The following SUCLG2 variants were observed in gnomAD, a reference collection of about 807,000 sequenced individuals.
The protein encoded by SUCLG2 is succinate--CoA ligase [GDP-forming] subunit beta, mitochondrial.
In SUCLG2, 42 loss-of-function variants were observed where a neutral mutation model predicts 47.9. That is an observed-to-expected ratio of 0.88 (90% confidence interval 0.69 to 1.14). The LOEUF (loss-of-function observed/expected upper bound fraction) is 1.14, where lower values mean the gene tolerates loss of function less well. SUCLG2 is among the 50% of genes most tolerant of loss of function. The pLI, the probability that SUCLG2 is intolerant of heterozygous loss-of-function variation, is 0.00. For missense variants in SUCLG2, 571 were observed against 525.9 expected, an observed-to-expected ratio of 1.09 and a Z score of -0.84; for synonymous variants, 195 against 197.3, an observed-to-expected ratio of 0.99 and a Z score of 0.10.
intron 2 of SUCLG2, among the ~76,000 whole-genome samples, chr3:67,547,535 T>C (rs1706898060): frequency 6.6e-6 from 1 of 152,114 alleles, no homozygotes; most frequent in Non-Finnish European, 1.5e-5. Flanking sequence ...TCCTGACCCT[T>C]TCTCATTGCC....
rs143897956 is a variant in SUCLG2, at chr3:67,405,778, A to G, written c.1063-4927T>C. On this transcript the variant is annotated intron_variant, in intron 9 of 10. Transcript: ENST00000307227. ...CTGGGCAAAGTGTACATAATCCTCT[A>G]GAGTTGATATATGAATAGCTATCAC... Among the ~76,000 whole-genome samples, 684 of 152,356 alleles carry G rather than the reference A, an allele frequency of 4.5e-3. 2 individuals carry two copies. The highest frequency in any genetic ancestry group is 7.1e-3 in the Non-Finnish European group (483 of 68,040).
At chr3:67,568,648 G>T (rs751509983) in intron 2 of SUCLG2, among the ~76,000 whole-genome samples, 110 of 152,284 alleles carry the variant, frequency 7.2e-4, no homozygotes, top group Non-Finnish European at 1.3e-3. Context: ...AGCACTTTGG[G>T]AGGCCGAGGC....
At chr3:67,440,590 AAAG>A (rs1396619933) in intron 9 of SUCLG2, among the ~76,000 whole-genome samples, 1 of 152,220 alleles carries the variant, frequency 6.6e-6, no homozygotes, top group Admixed American at 6.5e-5. Context: ...ACACTTCTCA[AAAG>A]AAGACATTTA....
At chr3:67,626,642 C>T (rs1700834436) in intron 1 of SUCLG2, among the ~76,000 whole-genome samples, 1 of 152,074 alleles carries the variant, frequency 6.6e-6, no homozygotes, top group African/African-American at 2.4e-5. Context: ...ATGCCGGGTG[C>T]AGTTGCTCAC....
intron 10 of SUCLG2, among the ~76,000 whole-genome samples, chr3:67,387,701 A>G (rs1401663030): frequency 1.3e-5 from 2 of 152,190 alleles, no homozygotes; most frequent in Admixed American, 6.5e-5. Flanking sequence ...ACCACATTCA[A>G]GATTATTTTC....
intron 2 of SUCLG2, among the ~76,000 whole-genome samples, chr3:67,554,778 A>G (rs1283529891): frequency 2.6e-5 from 4 of 152,190 alleles, no homozygotes; most frequent in Non-Finnish European, 5.9e-5. Flanking sequence ...ACTGGCTACC[A>G]GTAGCCATAA....
In SUCLG2 at chr3:67,518,312, T is replaced by C. The variant is rs1259635231; in HGVS notation, c.595A>G (p.Ile199Val). ...FKEQIDIFEG[I>V]KDSQAQRMAE... Reference sequence around the variant, plus strand: ...ATCCGCTGAGCTTGGCTGTCCTTTATTCCTTCAAAAATGTCAATTTGCTCC... The same window carrying C: ...ATCCGCTGAGCTTGGCTGTCCTTTACTCCTTCAAAAATGTCAATTTGCTCC... The change falls in exon 6 of 11, where the codon ATA (isoleucine) becomes GTA (valine). Residue 199 changes from isoleucine to valine, a missense_variant. Transcript: ENST00000307227. The C allele has an allele frequency of 1.7e-5, 28 of 1,611,962 alleles. No homozygotes were observed. Among genetic ancestry groups the C allele is most frequent in the Non-Finnish European group, 2.4e-5 (28 of 1,178,746 alleles).
chr3:67,535,477 C>T (rs1428551496), intron 2 of SUCLG2, among the ~76,000 whole-genome samples: 1 of 152,038 alleles, frequency 6.6e-6, no homozygotes, highest in Non-Finnish European at 1.5e-5. Flanking sequence ...CAAAATCTCT[C>T]GTTGAAATCT....
chr3:67,402,995 G>A (rs546063234), intron 9 of SUCLG2, among the ~76,000 whole-genome samples: 5 of 152,310 alleles, frequency 3.3e-5, no homozygotes, highest in African/African-American at 1.2e-4. Flanking sequence ...CTTAGTGGGT[G>A]AGTGCCTGGA....
intron 1 of SUCLG2, among the ~76,000 whole-genome samples, chr3:67,613,418 T>C (rs1700567846): frequency 6.6e-6 from 1 of 152,162 alleles, no homozygotes; most frequent in African/African-American, 2.4e-5. Context: ...CAGTATCATA[T>C]CAATTAACTA....
chr3:67,512,792 C>T (rs2107108935), intron 6 of SUCLG2, among the ~76,000 whole-genome samples: 1 of 150,746 alleles, frequency 6.6e-6, no homozygotes, highest in East Asian at 1.9e-4. Flanking sequence ...TTCTTCTCTT[C>T]CCACTGCCTC....
At chr3:67,398,083 G>T (rs1702589111) in intron 10 of SUCLG2, among the ~76,000 whole-genome samples, 2 of 150,096 alleles carry the variant, frequency 1.3e-5, no homozygotes, top group Non-Finnish European at 3.0e-5. Context: ...GAAAACCTCG[G>T]CATTACCATT....
chr3:67,634,067 TC>T (rs1222773629), intron 1 of SUCLG2, among the ~76,000 whole-genome samples: 3 of 152,158 alleles, frequency 2.0e-5, no homozygotes, highest in African/African-American at 7.2e-5. Flanking sequence ...AAACATCATG[TC>T]CCCACTGTAG....
intron 3 of SUCLG2, 104 bp from the exon 4 acceptor site, chr3:67,528,326 T>A: frequency 2.0e-6 from 2 of 1,006,818 alleles, no homozygotes; most frequent in East Asian, 2.6e-5. Flanking sequence ...GGGTTCACCT[T>A]CACCCTCACA....
chr3:67,420,702 T>C (rs1252695815), intron 9 of SUCLG2, among the ~76,000 whole-genome samples: 1 of 151,806 alleles, frequency 6.6e-6, no homozygotes, highest in African/African-American at 2.4e-5. Context: ...CAAAAAACAA[T>C]CCTCCATTAG....
At chr3:67,469,925 A>G (rs1704563280) in intron 9 of SUCLG2, among the ~76,000 whole-genome samples, 1 of 150,580 alleles carries the variant, frequency 6.6e-6, no homozygotes, top group African/African-American at 2.4e-5. Context: ...CATGCCTGTA[A>G]TCCCAGCTAC....
At chr3:67,576,363 A>G (rs180764032) in intron 2 of SUCLG2, among the ~76,000 whole-genome samples, 6 of 152,220 alleles carry the variant, frequency 3.9e-5, no homozygotes. Flanking sequence ...TCACAGAAGT[A>G]TTTCATGTGG....
chr3:67,638,297 A>G (rs1055844975), intron 1 of SUCLG2, among the ~76,000 whole-genome samples: 8 of 152,222 alleles, frequency 5.3e-5, no homozygotes, highest in African/African-American at 1.9e-4. Context: ...TGGAATGCCT[A>G]GCACTTAGTG....
At chr3:67,568,120 T>G in intron 2 of SUCLG2, among the ~76,000 whole-genome samples, 1 of 152,076 alleles carries the variant, frequency 6.6e-6, no homozygotes, top group East Asian at 1.9e-4. Context: ...GGTATTAGAG[T>G]CACTGAACTG....
Sources: allele counts gnomAD v4.1 joint callset (sites outside exome capture counted in the v4.1 genomes callset), GRCh38; gene constraint gnomAD v4.1.1; transcripts MANE v1.5; gene names NCBI Gene and HGNC (gene_info 2026-07-23, HGNC 2026-07-21).